NBPF15: variants seen among roughly 807,000 people sequenced by gnomAD.
NBPF15 encodes NBPF family member NBPF15.
A neutral mutation model predicts 62.2 loss-of-function variants in NBPF15; 74 were observed. The ratio of observed to expected loss-of-function variants is 1.19; its 90% confidence interval spans 0.99 to 1.44. The LOEUF is 1.44. Among genes scored for constraint, NBPF15 ranks in the 40% most tolerant of loss-of-function variants. NBPF15 has a pLI of 0.00. For missense variants in NBPF15, 790 were observed against 550.0 expected, an observed-to-expected ratio of 1.44 and a Z score of -4.36; for synonymous variants, 244 against 209.7, an observed-to-expected ratio of 1.16 and a Z score of -1.41.
rs1648089537 is a variant in NBPF15, at chr1:144,456,661, G to A, written c.-556C>T. The A allele has an allele frequency of 1.4e-6, 2 of 1,463,646 alleles. No homozygotes were observed. Among genetic ancestry groups the A allele is most frequent in the Admixed American group, 2.2e-5 (1 of 44,664 alleles). 90.7% of individuals were successfully genotyped at this position (1,463,646 alleles called of 1,614,324 possible). ...CTGGAAGCCCTGGACAGTGGGAGTT[G>A]GTGGCAGCCCCAGCGTGGAGGCCAA... On this transcript the variant is annotated 5_prime_UTR_variant, in exon 4 of 22. Transcript: ENST00000581897.
intron 11 of NBPF15, among the ~76,000 whole-genome samples, 197 bp downstream of exon 11, chr1:144,435,584 G>A (rs1248422154): frequency 1.3e-5 from 2 of 151,990 alleles, no homozygotes; most frequent in Non-Finnish European, 1.5e-5. Flanking sequence ...ATCCCTGTAC[G>A]GTGCAGACAT....
intron 6 of NBPF15, among the ~76,000 whole-genome samples, chr1:144,447,943 C>T (rs1428300471): frequency 2.0e-5 from 3 of 151,976 alleles, no homozygotes; most frequent in Admixed American, 6.6e-5. Context: ...AACCACAGAC[C>T]GCACGGCTCC....
At chr1:144,436,418 G>T (rs1553541222) in intron 10 of NBPF15, among the ~76,000 whole-genome samples, 2 of 151,680 alleles carry the variant, frequency 1.3e-5, no homozygotes, top group African/African-American at 4.9e-5. Context: ...ATCTCATTTT[G>T]GAAAGCAGTT....
chr1:144,453,592 G>C (rs1208047307), intron 4 of NBPF15, among the ~76,000 whole-genome samples: 11 of 140,730 alleles, frequency 7.8e-5, no homozygotes, highest in African/African-American at 2.3e-4. Flanking sequence ...TGGAAAAACT[G>C]CTGTCCAAAA....
At position 144,424,067 on chromosome 1, in the gene NBPF15, G is replaced by A. The variant is rs1193941550; in HGVS notation, c.1664-92C>T. 5 of 757,500 alleles carry A rather than the reference G, an allele frequency of 6.6e-6. No homozygotes were observed. In the African/African-American group the frequency reaches 6.8e-5, roughly 10 times the overall value. The allele number at this position is 757,500 out of a possible 1,614,324, so 46.9% of individuals were successfully genotyped here. A position where few individuals can be genotyped will look rare whatever the true frequency, so the allele number is the denominator to read the frequency against. ...TCTAATCCTCACACAGGGACCTCAGGCTCCTCAGCATAAGAATACGACACC... is the reference window on the plus strand; with the variant it reads ...TCTAATCCTCACACAGGGACCTCAGACTCCTCAGCATAAGAATACGACACC... On this transcript the variant is annotated intron_variant, in intron 20 of 21. Transcript: ENST00000581897.
intron 3 of NBPF15, among the ~76,000 whole-genome samples, chr1:144,458,395 C>A (rs1294867926): frequency 6.6e-6 from 1 of 151,476 alleles, no homozygotes; most frequent in Admixed American, 6.6e-5. Flanking sequence ...ACACCACATA[C>A]TTCCCTTAAT....
intron 19 of NBPF15, among the ~76,000 whole-genome samples, chr1:144,425,151 G>T (rs1435749331): frequency 1.4e-5 from 2 of 143,296 alleles, no homozygotes; most frequent in African/African-American, 5.5e-5. Context: ...AATTGTCCAG[G>T]TGACACACTG....
chr1:144,428,356 C>T (rs1312680930), intron 15 of NBPF15, among the ~76,000 whole-genome samples: 3 of 152,024 alleles, frequency 2.0e-5, no homozygotes, highest in African/African-American at 7.2e-5. Context: ...GCTCAAGTTT[C>T]CCTGCAGTTA....
intron 4 of NBPF15, among the ~76,000 whole-genome samples, chr1:144,452,251 T>G (rs587706593): frequency 1.3e-5 from 2 of 152,156 alleles, no homozygotes; most frequent in South Asian, 4.2e-4. Context: ...TTTTAAAAAT[T>G]CTTTTTCTTG....
At chr1:144,427,658 C>T (rs1423405792) in intron 16 of NBPF15, among the ~76,000 whole-genome samples, 160 bp downstream of exon 16, 1 of 146,144 alleles carries the variant, frequency 6.8e-6, no homozygotes, top group Non-Finnish European at 1.5e-5. Context: ...CTTGTCTGGG[C>T]TTCCAAGTGG....
rs76237786 is a variant in NBPF15, at chr1:144,423,007, A to G, written c.*6T>C. ...GAATGACATCTCTCGGCTTAGTAAG[A>G]GCTGCTTATTGTGGGAATATGACTC... On this transcript the variant is annotated 3_prime_UTR_variant, in exon 22 of 22. Transcript: ENST00000581897. 25 of 1,611,378 alleles carry G rather than the reference A, an allele frequency of 1.6e-5. 1 individual carries two copies. The highest frequency in any genetic ancestry group is 5.0e-5 in the Admixed American group (3 of 59,922).
chr1:144,451,358 A>T (rs1250861536), intron 4 of NBPF15, among the ~76,000 whole-genome samples: 3 of 150,910 alleles, frequency 2.0e-5, no homozygotes, highest in Non-Finnish European at 3.0e-5. Flanking sequence ...TTGCCCAGGG[A>T]TGAGCAGGAG....
chr1:144,443,985 T>C (rs1338807817), intron 6 of NBPF15, among the ~76,000 whole-genome samples: 1 of 151,830 alleles, frequency 6.6e-6, no homozygotes, highest in Non-Finnish European at 1.5e-5. Context: ...TTTCTATAAA[T>C]GAAATGATAC....
At position 144,423,033 on chromosome 1, in the gene NBPF15, C is replaced by G. The variant is rs1374694958; in HGVS notation, c.1993G>C (p.Gly665Arg). 1 of 1,611,584 alleles carries G rather than the reference C, an allele frequency of 6.2e-7. No homozygotes were observed. The highest frequency in any genetic ancestry group is 8.5e-7 in the Non-Finnish European group (1 of 1,179,622). Residue 665 changes from glycine to arginine, a missense_variant, in exon 22 of 22, where the codon GGA becomes CGA. By Grantham distance (125) the Gly-to-Arg change is moderately radical. Coordinates refer to ENST00000581897, the MANE Select transcript of NBPF15 (RefSeq NM_001385408.1). ...GCTGCTTATTGTGGGAATATGACTC[C>G]CATCTGGAACACCAGGTGGAGACTT... ...VTSLHLVFQMGVIFPQ is the reference protein window; with the variant it reads ...VTSLHLVFQMRVIFPQ
chr1:144,434,972 C>G lies in NBPF15; in HGVS notation c.772+139G>C, dbSNP rs1477672052. On this transcript the variant is annotated intron_variant, in intron 12 of 21. Transcript: ENST00000581897. ...AAGGCATGACATTAGCTGAGAAGGA[C>G]AAAAAAACTCCCTGATATCTGTTTA... The G allele has an allele frequency of 1.4e-5, 21 of 1,490,174 alleles. No individual in the cohort carries two copies. In the African/African-American group the frequency reaches 2.9e-4, roughly 21 times the overall value. The allele number at this position is 1,490,174 out of a possible 1,614,324, so 92.3% of individuals were successfully genotyped here. A position where few individuals can be genotyped will look rare whatever the true frequency, so the allele number is the denominator to read the frequency against.
At chr1:144,459,854 CT>C (rs1651207044) in intron 2 of NBPF15, among the ~76,000 whole-genome samples, 1 of 151,706 alleles carries the variant, frequency 6.6e-6, no homozygotes, top group Admixed American at 6.6e-5. Context: ...CAGAGTATCC[CT>C]GCTAAATGGT....
At chr1:144,445,191 GA>G (rs1686423889) in intron 6 of NBPF15, among the ~76,000 whole-genome samples, 2 of 149,714 alleles carry the variant, frequency 1.3e-5, no homozygotes, top group African/African-American at 2.5e-5. Flanking sequence ...AGTCTTTTGA[GA>G]AATTGTTTCA....
intron 20 of NBPF15, among the ~76,000 whole-genome samples, chr1:144,424,440 C>A (rs1476287364): frequency 3.3e-5 from 5 of 151,926 alleles, no homozygotes; most frequent in African/African-American, 1.2e-4. Flanking sequence ...CTGCCCAGGT[C>A]CAATGTCATG....
In NBPF15 at chr1:144,421,894, A is replaced by AATTC. The variant is rs1371908101; in HGVS notation, c.*1118_*1119insGAAT. 2.2e-5 allele frequency: 3 copies of AATTC among 136,644 alleles called. No individual in the cohort carries two copies. Among genetic ancestry groups the AATTC allele is most frequent in the African/African-American group, 3.2e-5 (1 of 30,926 alleles). The allele number at this position is 136,644 out of a possible 1,614,324, so 8.5% of individuals were successfully genotyped here. ...TGCCCGCAGATGGGCTGAGGTTGGA[A>AATTC]ACTCACAGCATTGTCTCTGCAGTGT... On this transcript the variant is annotated 3_prime_UTR_variant, in exon 22 of 22. Coordinates refer to ENST00000581897, the MANE Select transcript of NBPF15 (RefSeq NM_001385408.1).
Sources: gnomAD v4.1 joint callset for allele counts (sites outside exome capture counted in the v4.1 genomes callset) on GRCh38, gnomAD v4.1.1 for gene constraint, MANE v1.5 for transcripts, NCBI Gene and HGNC (gene_info 2026-07-23, HGNC 2026-07-21) for gene names.